PARP8: variants seen among roughly 807,000 people sequenced by gnomAD.
PARP8 encodes the protein protein mono-ADP-ribosyltransferase PARP8.
A neutral mutation model predicts 124.1 loss-of-function variants in PARP8; 51 were observed. The observed-to-expected ratio is 0.41, with a 90% confidence interval of 0.33 to 0.52. PARP8 has a LOEUF of 0.52. Among genes scored for constraint, PARP8 ranks in the 20% least tolerant of loss-of-function variants. The pLI, the probability that PARP8 is intolerant of heterozygous loss-of-function variation, is 0.21. For missense variants in PARP8, 860 were observed against 1,018.9 expected (o/e 0.84, Z 2.12); for synonymous variants, 391 against 361.5 (o/e 1.08, Z -0.93).
chr5:50,727,337 G>T lies in PARP8; in HGVS notation c.147-22814G>T, dbSNP rs12188574. Reference sequence around the variant, plus strand: ...TGTTGTTGGAGTGTACCCAGTCCCCGCTCCTGCTCCCACTTCCCACCCGGA... The same window carrying T: ...TGTTGTTGGAGTGTACCCAGTCCCCTCTCCTGCTCCCACTTCCCACCCGGA... On this transcript the variant is annotated intron_variant, in intron 2 of 25. Transcript: ENST00000281631. Among the ~76,000 whole-genome samples, 208 of 152,142 alleles carry T rather than the reference G, an allele frequency of 1.4e-3. 1 individual carries two copies. The highest frequency in any genetic ancestry group is 5.0e-3 in the African/African-American group (206 of 41,508).
At chr5:50,766,033 A>C (rs1281100858) in intron 7 of PARP8, among the ~76,000 whole-genome samples, 1 of 152,212 alleles carries the variant, frequency 6.6e-6, no homozygotes, top group Non-Finnish European at 1.5e-5. Flanking sequence ...AACCACATCT[A>C]AGTTCTCTGT....
At chr5:50,811,189 C>G (rs904009139) in intron 14 of PARP8, among the ~76,000 whole-genome samples, 16 of 152,014 alleles carry the variant, frequency 1.1e-4, no homozygotes, top group African/African-American at 3.9e-4. Flanking sequence ...CAAATCATAG[C>G]TTCATCCTGA....
At chr5:50,740,429 G>C (rs1757928815) in intron 2 of PARP8, among the ~76,000 whole-genome samples, 1 of 151,874 alleles carries the variant, frequency 6.6e-6, no homozygotes, top group Admixed American at 6.5e-5. Flanking sequence ...GGAGCATAGA[G>C]AGAACAGTGG....
intron 23 of PARP8, chr5:50,833,407 TG>T (rs1256624341): frequency 2.2e-6 from 1 of 454,092 alleles, no homozygotes; most frequent in African/African-American, 2.0e-5. Flanking sequence ...ATCAATCCCA[TG>T]TTGTTTCAGA....
chr5:50,827,243 TC>T (rs1415586682), intron 19 of PARP8, among the ~76,000 whole-genome samples: 1 of 152,148 alleles, frequency 6.6e-6, no homozygotes, highest in Non-Finnish European at 1.5e-5. Context: ...GCTAATAGAC[TC>T]TGGATTTCAG....
chr5:50,742,041 C>T, intron 2 of PARP8: 1 of 266,364 alleles, frequency 3.8e-6, no homozygotes. Flanking sequence ...AACTCTTGAA[C>T]TCAGGTGATC....
intron 25 of PARP8, among the ~76,000 whole-genome samples, chr5:50,839,435 T>C (rs1474903722): frequency 6.6e-6 from 1 of 151,958 alleles, no homozygotes; most frequent in Non-Finnish European, 1.5e-5. Context: ...TTGTAATAAA[T>C]ACTCTAATAC....
At chr5:50,739,986 T>G (rs1757881712) in intron 2 of PARP8, among the ~76,000 whole-genome samples, 2 of 151,796 alleles carry the variant, frequency 1.3e-5, no homozygotes, top group African/African-American at 2.4e-5. Flanking sequence ...CCTGACCTCA[T>G]GATCCACCCA....
intron 2 of PARP8, among the ~76,000 whole-genome samples, chr5:50,670,949 G>A (rs971776584): frequency 3.9e-5 from 6 of 152,178 alleles, no homozygotes; most frequent in Non-Finnish European, 1.5e-5. Context: ...TATACGGTAA[G>A]ATTAATTTAT....
At chr5:50,841,057 C>T (rs554898115) in intron 25 of PARP8, among the ~76,000 whole-genome samples, 1 of 151,930 alleles carries the variant, frequency 6.6e-6, no homozygotes, top group East Asian at 1.9e-4. Context: ...TTTCATTTTC[C>T]TTTATTTTGC....
chr5:50,750,555 T>C (rs573604014), intron 3 of PARP8, among the ~76,000 whole-genome samples: 21 of 152,258 alleles, frequency 1.4e-4, no homozygotes, highest in African/African-American at 5.1e-4. Context: ...CAGTCAGTTT[T>C]CTAAGTGTGT....
chr5:50,813,039 C>T (rs1484470283), intron 14 of PARP8, among the ~76,000 whole-genome samples: 2 of 152,130 alleles, frequency 1.3e-5, no homozygotes, highest in African/African-American at 2.4e-5. Context: ...ATGCCTCCAG[C>T]TTGTTCTTTT....
chr5:50,806,975 T>C (rs1743914542), intron 14 of PARP8, among the ~76,000 whole-genome samples: 1 of 152,090 alleles, frequency 6.6e-6, no homozygotes, highest in Non-Finnish European at 1.5e-5. Context: ...CACTGGTGAT[T>C]AAACAGGTTA....
At chr5:50,670,024 A>C (rs888415391) in intron 2 of PARP8, among the ~76,000 whole-genome samples, 6 of 152,378 alleles carry the variant, frequency 3.9e-5, no homozygotes, top group Admixed American at 1.3e-4. Flanking sequence ...ACAGTGTAGT[A>C]ACCGTAGATA....
At chr5:50,712,672 A>G (rs1280217826) in intron 2 of PARP8, among the ~76,000 whole-genome samples, 1 of 152,048 alleles carries the variant, frequency 6.6e-6, no homozygotes, top group African/African-American at 2.4e-5. Context: ...CAGGGATGAG[A>G]TAAAGCAGCA....
chr5:50,669,470 C>T (rs1257767940), intron 2 of PARP8: 3 of 152,160 alleles, frequency 2.0e-5, no homozygotes, highest in African/African-American at 7.2e-5. Context: ...TCTGGTGAGA[C>T]ATGTGGACAG....
chr5:50,769,271 C>A lies in PARP8; in HGVS notation c.518+6029C>A, dbSNP rs548637160. 1.3e-4 allele frequency among the ~76,000 whole-genome samples: 19 copies of A among 149,766 alleles called. 1 individual carries two copies. In the South Asian group the frequency reaches 4.0e-3, roughly 31 times the overall value. ...GGGGAAAACAGTTGTAGATAAGGGT[C>A]GTACTGATTTTTTTTTTTAATCTTC... On this transcript the variant is annotated intron_variant, in intron 7 of 25. Transcript: ENST00000281631.
intron 2 of PARP8, among the ~76,000 whole-genome samples, chr5:50,684,426 A>G (rs1751627593): frequency 8.9e-6 from 1 of 112,160 alleles, no homozygotes. Flanking sequence ...TAAAGATATA[A>G]GAATGCTGAA....
At chr5:50,815,852 C>T (rs919240699) in intron 15 of PARP8, among the ~76,000 whole-genome samples, 13 of 151,978 alleles carry the variant, frequency 8.6e-5, no homozygotes, top group African/African-American at 2.9e-4. Flanking sequence ...AAGATAACTG[C>T]CATAAAATGG....
Sources: gnomAD v4.1 joint callset for allele counts (sites outside exome capture counted in the v4.1 genomes callset) on GRCh38, gnomAD v4.1.1 for gene constraint, MANE v1.5 for transcripts, NCBI Gene and HGNC (gene_info 2026-07-23, HGNC 2026-07-21) for gene names.